The following IL1RAPL1 variants were observed in gnomAD, a reference collection of about 807,000 sequenced individuals.
The protein encoded by IL1RAPL1 is interleukin-1 receptor accessory protein-like 1.
IL1RAPL1 carries 3 observed loss-of-function variants against 48.4 expected under a neutral mutation model. The observed-to-expected ratio is 0.06, with a 90% CI of 0.03 to 0.16. The LOEUF (loss-of-function observed/expected upper bound fraction) is 0.16, where lower values mean the gene tolerates loss of function less well. Among genes scored for constraint, IL1RAPL1 ranks in the 10% least tolerant of loss-of-function variants. IL1RAPL1 has a pLI of 1.00. For missense variants in IL1RAPL1, 349 were observed against 530.6 expected (o/e 0.66, Z 3.36); for synonymous variants, 185 against 187.7 (o/e 0.99, Z 0.12).
In IL1RAPL1 at chrX:29,076,802, G is replaced by GTCTGTCTATCTATCTATCTATCTATCTA. The variant is rs568595100; in HGVS notation, c.83-206133_83-206132insGTCTATCTATCTATCTATCTATCTATCT. On this transcript the variant is annotated intron_variant, in intron 2 of 10. Transcript: ENST00000378993. ...TATCTGTCTGTCTGTCTGTCTGTCT[G>GTCTGTCTATCTATCTATCTATCTATCTA]TCTATCTATCTATCTATCTATCTAT... is the stretch of plus-strand genomic sequence containing the variant. Among the ~76,000 whole-genome samples the GTCTGTCTATCTATCTATCTATCTATCTA allele has an allele frequency of 3.4e-3, 329 of 97,090 alleles. 1 individual carries two copies. Among genetic ancestry groups the GTCTGTCTATCTATCTATCTATCTATCTA allele is most frequent in the Non-Finnish European group, 4.2e-3 (206 of 48,587 alleles). The allele number at this position is 97,090 out of a possible 115,157, so 84.3% of individuals were successfully genotyped here.
intron 6 of IL1RAPL1, among the ~76,000 whole-genome samples, chrX:29,858,025 C>G (rs186614756): frequency 8.9e-6 from 1 of 111,843 alleles, no homozygotes; most frequent in Non-Finnish European, 1.9e-5. Context: ...TCAGAATGTT[C>G]TTCTTGTACT....
At chrX:29,186,832 A>C (rs1484089295) in intron 2 of IL1RAPL1, among the ~76,000 whole-genome samples, 1 of 111,778 alleles carries the variant, frequency 8.9e-6, no homozygotes, top group Non-Finnish European at 1.9e-5. Flanking sequence ...GTCAAGGTTT[A>C]ATGAATAAGT....
At chrX:29,230,512 A>ACAAAAC (rs1931174212) in intron 2 of IL1RAPL1, among the ~76,000 whole-genome samples, 1 of 90,540 alleles carries the variant, frequency 1.1e-5, no homozygotes, top group Admixed American at 1.2e-4. Flanking sequence ...ACCAAAAAAA[A>ACAAAAC]AAAAAAAAAA....
At chrX:29,540,817 C>T (rs1341023884) in intron 5 of IL1RAPL1, among the ~76,000 whole-genome samples, 2 of 111,973 alleles carry the variant, frequency 1.8e-5, no homozygotes, top group Non-Finnish European at 3.8e-5. Flanking sequence ...AGAGCTCATA[C>T]TCTAATAATC....
chrX:28,955,266 A>G (rs1924574608), intron 2 of IL1RAPL1, among the ~76,000 whole-genome samples: 1 of 111,535 alleles, frequency 9.0e-6, no homozygotes, highest in Admixed American at 9.6e-5. Flanking sequence ...ATGTATGGCC[A>G]TAGTTAGAGA....
chrX:28,901,333 T>C (rs920254615), intron 2 of IL1RAPL1, among the ~76,000 whole-genome samples: 2 of 112,297 alleles, frequency 1.8e-5, no homozygotes, highest in Non-Finnish European at 3.8e-5. Flanking sequence ...GTTTTTCAAT[T>C]AGGAAGCATC....
chrX:28,742,457 A>G (rs377359115), intron 1 of IL1RAPL1, among the ~76,000 whole-genome samples: 1 of 111,650 alleles, frequency 9.0e-6, no homozygotes, highest in Non-Finnish European at 1.9e-5. Context: ...TTTATTTCCC[A>G]TAGTCTTCAT....
chrX:28,895,165 C>T (rs1262092848), intron 2 of IL1RAPL1, among the ~76,000 whole-genome samples: 2 of 110,242 alleles, frequency 1.8e-5, no homozygotes, highest in African/African-American at 6.6e-5. Context: ...TATATGGGTT[C>T]GGCACCACGG....
intron 6 of IL1RAPL1, among the ~76,000 whole-genome samples, chrX:29,680,081 C>T (rs989118899): frequency 9.0e-6 from 1 of 111,473 alleles, no homozygotes; most frequent in Non-Finnish European, 1.9e-5. Flanking sequence ...GGTCAACTTC[C>T]TATGTCTAAG....
chrX:29,549,051 A>C (rs1165380724), intron 5 of IL1RAPL1, among the ~76,000 whole-genome samples: 2 of 111,958 alleles, frequency 1.8e-5, no homozygotes, highest in African/African-American at 6.5e-5. Context: ...AAGTGAGACT[A>C]GTAGTTATTT....
chrX:29,794,208 T>C (rs937683572), intron 6 of IL1RAPL1, among the ~76,000 whole-genome samples: 1 of 111,777 alleles, frequency 8.9e-6, no homozygotes, highest in Admixed American at 9.5e-5. Flanking sequence ...AATTCAAAAC[T>C]GTACTTGAAA....
intron 2 of IL1RAPL1, among the ~76,000 whole-genome samples, chrX:28,880,338 C>T (rs1381768337): frequency 8.9e-6 from 1 of 111,812 alleles, no homozygotes; most frequent in Non-Finnish European, 1.9e-5. Flanking sequence ...GCAGGAATTC[C>T]CTTGTAAGAA....
chrX:29,592,412 G>T (rs1192226716), intron 5 of IL1RAPL1, among the ~76,000 whole-genome samples: 1 of 110,939 alleles, frequency 9.0e-6, no homozygotes, highest in Non-Finnish European at 1.9e-5. Context: ...TAATTCACCA[G>T]TGTCCACAGA....
At chrX:28,971,713 TGA>T (rs1423612594) in intron 2 of IL1RAPL1, among the ~76,000 whole-genome samples, 1 of 110,670 alleles carries the variant, frequency 9.0e-6, no homozygotes, top group East Asian at 2.9e-4. Flanking sequence ...GAGACATACG[TGA>T]GAGAGTGTGT....
chrX:28,985,971 A>G (rs1371824830), intron 2 of IL1RAPL1, among the ~76,000 whole-genome samples: 5 of 111,935 alleles, frequency 4.5e-5, no homozygotes. Context: ...TAACGAGCAC[A>G]TTTTTTAAAA....
At chrX:29,363,522 A>G (rs1933404635) in intron 3 of IL1RAPL1, among the ~76,000 whole-genome samples, 1 of 111,846 alleles carries the variant, frequency 8.9e-6, no homozygotes, top group Non-Finnish European at 1.9e-5. Flanking sequence ...ATACGAATGC[A>G]GAAGAAATGG....
At chrX:29,589,896 G>A (rs1279938736) in intron 5 of IL1RAPL1, among the ~76,000 whole-genome samples, 1 of 110,988 alleles carries the variant, frequency 9.0e-6, no homozygotes, top group Non-Finnish European at 1.9e-5. Flanking sequence ...TCGGCTTCTG[G>A]GGAAGCCTCA....
At chrX:29,772,562 A>G (rs1222160256) in intron 6 of IL1RAPL1, among the ~76,000 whole-genome samples, 1 of 111,788 alleles carries the variant, frequency 8.9e-6, no homozygotes, top group Admixed American at 9.5e-5. Flanking sequence ...AAGGCAATAA[A>G]AGCCCTTAAC....
chrX:29,902,302 C>T (rs950429434), intron 6 of IL1RAPL1, among the ~76,000 whole-genome samples: 5 of 110,875 alleles, frequency 4.5e-5, no homozygotes, highest in Non-Finnish European at 9.5e-5. Context: ...GGCTGGTGTC[C>T]ACCGATTGTT....
Sources: allele counts gnomAD v4.1 joint callset (sites outside exome capture counted in the v4.1 genomes callset), GRCh38; gene constraint gnomAD v4.1.1; transcripts MANE v1.5; gene names NCBI Gene and HGNC (gene_info 2026-07-23, HGNC 2026-07-21).